FRMD6: variants seen among roughly 807,000 people sequenced by gnomAD.
FRMD6 encodes FERM domain containing 6.
Under a neutral mutation model 73.2 loss-of-function variants are expected in FRMD6, and 37 were observed. That is an observed-to-expected ratio of 0.51 (90% CI 0.39 to 0.66). FRMD6 has a LOEUF of 0.66. Among genes scored for constraint, FRMD6 ranks in the 30% least tolerant of loss-of-function variants. The probability of loss-of-function intolerance (pLI) is 0.00; values close to 1 mark genes in which losing one functional copy is unlikely to be tolerated. For missense variants in FRMD6, 714 were observed against 780.5 expected (o/e 0.91, Z 1.02); for synonymous variants, 273 against 282.2 (o/e 0.97, Z 0.33).
chr14:51,679,406 G>T (rs8012981), intron 1 of FRMD6, among the ~76,000 whole-genome samples: 20,479 of 150,458 alleles, frequency 0.14, 1,403 homozygotes, highest in Admixed American at 0.16. Flanking sequence ...GTAGCATATA[G>T]AGAGAGAGAA....
chr14:51,593,891 C>T (rs1047762697), intron 2 of FRMD6, among the ~76,000 whole-genome samples: 8 of 152,024 alleles, frequency 5.3e-5, no homozygotes, highest in Non-Finnish European at 4.4e-5. Flanking sequence ...ATATGAACCA[C>T]ACCCCCAACT....
chr14:51,584,975 A>T (rs190239166), intron 2 of FRMD6, among the ~76,000 whole-genome samples: 1 of 152,252 alleles, frequency 6.6e-6, no homozygotes, highest in Non-Finnish European at 1.5e-5. Context: ...GAATGTGAAT[A>T]TTAAATGAGT....
chr14:51,421,601 G>T, the FRMD6 span, among the ~76,000 whole-genome samples: 1 of 152,208 alleles, frequency 6.6e-6, no homozygotes, highest in South Asian at 2.1e-4. Flanking sequence ...CAAAAGAACC[G>T]TAAGAGCCTG....
chr14:51,517,763 T>A (rs536193805), intron 1 of FRMD6, among the ~76,000 whole-genome samples: 1 of 152,306 alleles, frequency 6.6e-6, no homozygotes, highest in East Asian at 1.9e-4. Context: ...TTCAGAGTCA[T>A]GGCCATGCTT....
chr14:51,505,293 A>C (rs1254854077), intron 1 of FRMD6, among the ~76,000 whole-genome samples: 1 of 152,128 alleles, frequency 6.6e-6, no homozygotes, highest in African/African-American at 2.4e-5. Flanking sequence ...TTGGTCTCAA[A>C]CTCCTGACCT....
chr14:51,539,176 C>T (rs1176571068), intron 1 of FRMD6, among the ~76,000 whole-genome samples: 1 of 152,044 alleles, frequency 6.6e-6, no homozygotes, highest in Non-Finnish European at 1.5e-5. Context: ...TCCCCCTTGT[C>T]ACAGGGCCTT....
At chr14:51,570,671 T>C (rs148744197) in intron 2 of FRMD6, among the ~76,000 whole-genome samples, 30 of 152,360 alleles carry the variant, frequency 2.0e-4, no homozygotes, top group African/African-American at 7.0e-4. Flanking sequence ...TGTGCTTTAA[T>C]AAAGTTTCCA....
chr14:51,432,742 A>G, the FRMD6 span, among the ~76,000 whole-genome samples: 1 of 152,170 alleles, frequency 6.6e-6, no homozygotes, highest in Admixed American at 6.5e-5. Context: ...GAGGTCACGG[A>G]CCACCTCTGG....
At chr14:51,539,801 C>T (rs955239440) in intron 1 of FRMD6, among the ~76,000 whole-genome samples, 2 of 152,154 alleles carry the variant, frequency 1.3e-5, no homozygotes, top group Non-Finnish European at 2.9e-5. Context: ...TCTTTGTCTG[C>T]TTCTTACCTT....
intron 1 of FRMD6, among the ~76,000 whole-genome samples, chr14:51,550,074 T>C (rs1886726289): frequency 6.6e-6 from 1 of 152,182 alleles, no homozygotes; most frequent in Non-Finnish European, 1.5e-5. Context: ...ATAATGGGGA[T>C]CCCTTTCTTT....
intron 2 of FRMD6, chr14:51,637,646 GT>G (rs1256723590): frequency 6.6e-6 from 1 of 152,092 alleles, no homozygotes; most frequent in Non-Finnish European, 1.5e-5. Flanking sequence ...GCAATGCAGT[GT>G]ATCTAAAAAC....
At chr14:51,417,286 G>T in the FRMD6 span, among the ~76,000 whole-genome samples, 2 of 152,140 alleles carry the variant, frequency 1.3e-5, no homozygotes, top group Non-Finnish European at 2.9e-5. Context: ...TGCAGTGGCT[G>T]GTACCGGTTG....
intron 2 of FRMD6, among the ~76,000 whole-genome samples, chr14:51,579,548 A>T (rs914275343): frequency 4.6e-5 from 7 of 152,208 alleles, no homozygotes; most frequent in African/African-American, 1.7e-4. Context: ...TGATAGCTCC[A>T]TGAAGGTAGG....
chr14:51,620,574 A>G (rs1378832658), intron 2 of FRMD6, among the ~76,000 whole-genome samples: 1 of 152,142 alleles, frequency 6.6e-6, no homozygotes, highest in Non-Finnish European at 1.5e-5. Context: ...GCCCATTACG[A>G]CAGTGCTTCC....
chr14:51,687,749 A>G (rs1895267573), intron 1 of FRMD6, among the ~76,000 whole-genome samples: 1 of 152,160 alleles, frequency 6.6e-6, no homozygotes, highest in Admixed American at 6.6e-5. Context: ...TTTTGAGCAC[A>G]CAAATTTGAC....
At chr14:51,633,935 G>T (rs535237647) in intron 2 of FRMD6, among the ~76,000 whole-genome samples, 11 of 152,130 alleles carry the variant, frequency 7.2e-5, no homozygotes, top group Middle Eastern at 3.4e-3. Context: ...CCATTTCTTC[G>T]GTACTTTCAA....
At position 51,582,321 on chromosome 14, in the gene FRMD6, TC is replaced by T. The variant is rs111719747; in HGVS notation, c.-147+11913del. 6.4e-3 allele frequency among the ~76,000 whole-genome samples: 969 copies of T among 152,322 alleles called. 7 individuals carry two copies. The highest frequency in any genetic ancestry group is 0.022 in the African/African-American group (926 of 41,584). Reference sequence around the variant, plus strand: ...GCAATGACCTTGTCCGTCAGGATAGTCCGTCGTCCCACTTAATGAGGGAAGA... The same window carrying T: ...GCAATGACCTTGTCCGTCAGGATAGTCGTCGTCCCACTTAATGAGGGAAGA... On this transcript the variant is annotated intron_variant, in intron 2 of 14. Coordinates refer to the FRMD6 transcript ENST00000356218.
chr14:51,422,934 A>T, the FRMD6 span, among the ~76,000 whole-genome samples: 5 of 152,174 alleles, frequency 3.3e-5, no homozygotes, highest in Non-Finnish European at 4.4e-5. Context: ...ATGAGATGTG[A>T]GCAGAAGTGA....
At position 51,607,022 on chromosome 14, in the gene FRMD6, C is replaced by G. The variant is rs1890285613; in HGVS notation, c.-147+36612C>G. Among the ~76,000 whole-genome samples the G allele has an allele frequency of 6.6e-5, 10 of 152,080 alleles. No individual in the cohort carries two copies. In the South Asian group the frequency reaches 2.1e-3, roughly 31 times the overall value. Reference sequence around the variant, plus strand: ...ACTTTCTTTTCTGTGTTTATTCTGTCCGGGTCCCCAGTAGATTGAATGATG... The same window carrying G: ...ACTTTCTTTTCTGTGTTTATTCTGTGCGGGTCCCCAGTAGATTGAATGATG... On this transcript the variant is annotated intron_variant, in intron 2 of 14. Coordinates refer to the FRMD6 transcript ENST00000356218.
Sources: gnomAD v4.1 joint callset for allele counts (sites outside exome capture counted in the v4.1 genomes callset) on GRCh38, gnomAD v4.1.1 for gene constraint, MANE v1.5 for transcripts, NCBI Gene and HGNC (gene_info 2026-07-23, HGNC 2026-07-21) for gene names.